TTC39B: variants seen among roughly 807,000 people sequenced by gnomAD.
The protein encoded by TTC39B is tetratricopeptide repeat protein 39B.
A neutral mutation model predicts 96.6 loss-of-function variants in TTC39B; 92 were observed. That is an observed-to-expected ratio of 0.95 (90% CI 0.80 to 1.13). TTC39B has a LOEUF of 1.13. TTC39B is among the 50% of genes most tolerant of loss of function. The probability of loss-of-function intolerance (pLI) is 0.00; values close to 1 mark genes in which losing one functional copy is unlikely to be tolerated. For missense variants in TTC39B, 955 were observed against 809.3 expected, an observed-to-expected ratio of 1.18 and a Z score of -2.18; for synonymous variants, 367 against 299.4, an observed-to-expected ratio of 1.23 and a Z score of -2.33.
At chr9:15,302,668 ACT>A (rs1014358045) in intron 1 of TTC39B, among the ~76,000 whole-genome samples, 2 of 151,194 alleles carry the variant, frequency 1.3e-5, no homozygotes, top group Admixed American at 6.6e-5. Context: ...ACGTGCTGAA[ACT>A]CTGTTTCTAC....
At chr9:15,251,704 T>C (rs10961937) in intron 2 of TTC39B, among the ~76,000 whole-genome samples, 391 of 37,262 alleles carry the variant, frequency 0.01, 1 homozygote, top group Non-Finnish European at 0.015. Context: ...CATATACATA[T>C]ATATATATAT....
Position 15,207,757 on chromosome 9 carries a change from G to A in TTC39B, c.691+2331C>T, listed in dbSNP as rs767294768. Among the ~76,000 whole-genome samples the A allele has an allele frequency of 4.0e-4, 61 of 151,656 alleles. 1 individual carries two copies. The highest frequency in any genetic ancestry group is 6.9e-4 in the Non-Finnish European group (47 of 67,964). On this transcript the variant is annotated intron_variant, in intron 6 of 19. Coordinates refer to ENST00000512701, the Ensembl canonical transcript of TTC39B. ...TCCCAGTACTTCGGGAGGCTGAGGC[G>A]GGCGGATCACAAGGTCAGGAGATTG...
chr9:15,207,198 G>A (rs549703260), intron 6 of TTC39B, among the ~76,000 whole-genome samples: 3 of 152,200 alleles, frequency 2.0e-5, no homozygotes, highest in Admixed American at 2.0e-4. Flanking sequence ...TTAGAGTAGT[G>A]TGAAAATGGA....
At chr9:15,232,480 G>C (rs1232462753) in intron 2 of TTC39B, 2 of 152,198 alleles carry the variant, frequency 1.3e-5, no homozygotes, top group Non-Finnish European at 2.9e-5. Context: ...TAAATGTTGT[G>C]ACATCACCAA....
rs565295885 is a variant in TTC39B, at chr9:15,271,149, G to A, written c.241-3201C>T. 5.3e-5 allele frequency among the ~76,000 whole-genome samples: 8 copies of A among 151,630 alleles called. No homozygotes were observed. In the East Asian group the frequency reaches 1.6e-3, roughly 29 times the overall value. ...GACAGTTGGGCAGGATGGGGAGGGG[G>A]TGGGAGATGAAGGGGTGCCATATCC... On this transcript the variant is annotated intron_variant, in intron 1 of 19. Transcript: ENST00000512701.
At chr9:15,220,390 C>T (rs559878641) in intron 3 of TTC39B, among the ~76,000 whole-genome samples, 1 of 152,304 alleles carries the variant, frequency 6.6e-6, no homozygotes, top group South Asian at 2.1e-4. Flanking sequence ...AGCTCATAGT[C>T]TACAGTGGGC....
intron 3 of TTC39B, among the ~76,000 whole-genome samples, chr9:15,225,037 C>G (rs1821047021): frequency 1.3e-5 from 2 of 152,116 alleles, no homozygotes; most frequent in Non-Finnish European, 2.9e-5. Flanking sequence ...AAAGTACTTT[C>G]TCATGTACTA....
At chr9:15,198,177 G>A (rs533026514) in intron 8 of TTC39B, among the ~76,000 whole-genome samples, 48 of 152,202 alleles carry the variant, frequency 3.2e-4, no homozygotes, top group South Asian at 2.1e-3. Flanking sequence ...TAGCACAAAG[G>A]GCCAGGCGCA....
chr9:15,279,918 C>T lies in TTC39B; in HGVS notation c.241-11970G>A, dbSNP rs529164309. Among the ~76,000 whole-genome samples, 30 of 108,588 alleles carry T rather than the reference C, an allele frequency of 2.8e-4. No homozygotes were observed. The East Asian group carries it at 4.5e-3, about 16-fold the overall frequency. 71.2% of individuals were successfully genotyped at this position (108,588 alleles called of 152,430 possible). ...TTTTTTTTTTTTTTTTTTTTTGAGA[C>T]GGAGTCTCACTCTGTCACCCAGGCT... is the stretch of plus-strand genomic sequence containing the variant. On this transcript the variant is annotated intron_variant, in intron 1 of 19. Coordinates refer to ENST00000512701, the Ensembl canonical transcript of TTC39B.
intron 2 of TTC39B, among the ~76,000 whole-genome samples, chr9:15,228,323 G>C (rs1183401463): frequency 2.0e-5 from 3 of 152,228 alleles, no homozygotes; most frequent in Admixed American, 2.0e-4. Context: ...AATTAGCCAG[G>C]CGTGGTGGTG....
chr9:15,168,526 A>G (rs1374367324), exon 20 of TTC39B: 1 of 152,128 alleles, frequency 6.6e-6, no homozygotes, highest in Non-Finnish European at 1.5e-5. Flanking sequence ...TTAATGTCCA[A>G]GCTGGAGGAA....
intron 6 of TTC39B, among the ~76,000 whole-genome samples, chr9:15,208,655 T>C (rs1392595693): frequency 2.0e-5 from 3 of 152,184 alleles, no homozygotes; most frequent in East Asian, 1.9e-4. Context: ...TTACAAATAG[T>C]TGGAGGTCAG....
intron 1 of TTC39B, among the ~76,000 whole-genome samples, chr9:15,281,982 C>T (rs1037640271): frequency 4.6e-5 from 7 of 152,138 alleles, no homozygotes; most frequent in African/African-American, 1.7e-4. Flanking sequence ...ACAGACTTAC[C>T]TACATATTTT....
chr9:15,272,041 A>C (rs115702704), intron 1 of TTC39B, among the ~76,000 whole-genome samples: 5,137 of 152,282 alleles, frequency 0.034, 288 homozygotes, highest in African/African-American at 0.12. Context: ...CTGCTCATGC[A>C]TCTGTTCCAT....
intron 3 of TTC39B, among the ~76,000 whole-genome samples, chr9:15,215,097 GT>G (rs1820433977): frequency 6.6e-6 from 1 of 151,916 alleles, no homozygotes; most frequent in Non-Finnish European, 1.5e-5. Flanking sequence ...CTATAAAAAA[GT>G]TTTTTTAAAT....
chr9:15,170,623 T>C (rs1233932472), exon 20 of TTC39B: 2 of 152,178 alleles, frequency 1.3e-5, no homozygotes, highest in African/African-American at 4.8e-5. Context: ...GTCATGGAAC[T>C]ATTAACCCAC....
chr9:15,176,807 G>A (rs1050468423), intron 18 of TTC39B, among the ~76,000 whole-genome samples: 1 of 152,084 alleles, frequency 6.6e-6, no homozygotes, highest in African/African-American at 2.4e-5. Context: ...CACTCAGCCG[G>A]CCTTATTAAG....
At position 15,277,365 on chromosome 9, in the gene TTC39B, T is replaced by A. The variant is rs555784435; in HGVS notation, c.241-9417A>T. The stretch of plus-strand genomic sequence containing the variant: ...ATTGCTTGAACCCGGGAGGCAGCGG[T>A]TGCAGTGAGCCAAGATAGCCCCATT... On this transcript the variant is annotated intron_variant, in intron 1 of 19. Coordinates refer to ENST00000512701, the Ensembl canonical transcript of TTC39B. Among the ~76,000 whole-genome samples, 3 of 152,288 alleles carry A rather than the reference T, an allele frequency of 2.0e-5. No homozygotes were observed. In the South Asian group the frequency reaches 6.2e-4, roughly 32 times the overall value.
chr9:15,182,264 G>T, intron 17 of TTC39B, 43 bp downstream of exon 17: 1 of 1,274,568 alleles, frequency 7.8e-7, no homozygotes, highest in South Asian at 1.3e-5. Flanking sequence ...AGCAGTCATG[G>T]AGCAGAGACA....
Sources: allele counts gnomAD v4.1 joint callset (sites outside exome capture counted in the v4.1 genomes callset), GRCh38; gene constraint gnomAD v4.1.1; transcripts MANE v1.5; gene names NCBI Gene and HGNC (gene_info 2026-07-23, HGNC 2026-07-21).